ADGRL3: variants seen among roughly 807,000 people sequenced by gnomAD.
The protein encoded by ADGRL3 is adhesion G protein-coupled receptor L3.
In ADGRL3, 62 loss-of-function variants were observed where a neutral mutation model predicts 153.5. The ratio of observed to expected loss-of-function variants is 0.40; its 90% CI spans 0.33 to 0.50. The LOEUF is 0.50. ADGRL3 is among the 20% of genes least tolerant of loss of function. ADGRL3 has a pLI of 0.47. For synonymous variants in ADGRL3, 710 were observed against 672.5 expected (o/e 1.06, Z -0.86); for missense variants, 1,641 against 1,859.4 (o/e 0.88, Z 2.16).
At chr4:61,823,993 C>T (rs574576314) in intron 9 of ADGRL3, among the ~76,000 whole-genome samples, 49 of 152,076 alleles carry the variant, frequency 3.2e-4, no homozygotes, top group African/African-American at 8.9e-4. Flanking sequence ...TCCTGGGAGG[C>T]AGAGGTTGCA....
intron 5 of ADGRL3, among the ~76,000 whole-genome samples, chr4:61,591,525 G>A (rs1431998605): frequency 6.6e-6 from 1 of 151,994 alleles, no homozygotes; most frequent in Non-Finnish European, 1.5e-5. Flanking sequence ...TTTTCAGTGG[G>A]TACAATATAG....
intron 5 of ADGRL3, among the ~76,000 whole-genome samples, chr4:61,601,404 C>T (rs1366631142): frequency 2.0e-5 from 3 of 152,082 alleles, no homozygotes; most frequent in African/African-American, 4.8e-5. Context: ...ATGTCATTTC[C>T]TAATCAATTT....
intron 6 of ADGRL3, among the ~76,000 whole-genome samples, chr4:61,699,732 A>G (rs186189834): frequency 6.6e-6 from 1 of 152,342 alleles, no homozygotes; most frequent in Admixed American, 6.5e-5. Flanking sequence ...AATTAATTCT[A>G]GAAATCCTAT....
chr4:61,898,753 A>C (rs926506391), intron 11 of ADGRL3, among the ~76,000 whole-genome samples: 1 of 151,926 alleles, frequency 6.6e-6, no homozygotes, highest in Non-Finnish European at 1.5e-5. Context: ...TGAAGCTGGG[A>C]CTACAGGCAC....
At chr4:61,232,216 A>G (rs901410038) in intron 1 of ADGRL3, among the ~76,000 whole-genome samples, 1 of 152,150 alleles carries the variant, frequency 6.6e-6, no homozygotes, top group East Asian at 1.9e-4. Context: ...ATTTAAGCCA[A>G]CTATCCAAGT....
At chr4:61,700,996 G>A (rs774513724) in intron 6 of ADGRL3, among the ~76,000 whole-genome samples, 11 of 152,242 alleles carry the variant, frequency 7.2e-5, no homozygotes, top group Non-Finnish European at 1.6e-4. Flanking sequence ...CTTCAGAGTC[G>A]TTACACAGAG....
intron 4 of ADGRL3, among the ~76,000 whole-genome samples, chr4:61,537,329 T>C (rs973930484): frequency 6.6e-6 from 1 of 152,148 alleles, no homozygotes; most frequent in Non-Finnish European, 1.5e-5. Flanking sequence ...TTCTTCAGCA[T>C]TGATTTTGGT....
chr4:62,025,958 A>G (rs1718315228), intron 21 of ADGRL3, among the ~76,000 whole-genome samples: 1 of 152,180 alleles, frequency 6.6e-6, no homozygotes, highest in East Asian at 1.9e-4. Context: ...TGGCAACATT[A>G]CCATCAATTT....
At chr4:61,291,218 G>GCA (rs765771949) in intron 1 of ADGRL3, among the ~76,000 whole-genome samples, 25 of 134,084 alleles carry the variant, frequency 1.9e-4, no homozygotes, top group South Asian at 7.6e-4. Flanking sequence ...ACACACACAC[G>GCA]CACACACACA....
intron 2 of ADGRL3, among the ~76,000 whole-genome samples, chr4:61,410,182 A>G (rs1166962028): frequency 1.3e-5 from 2 of 152,064 alleles, no homozygotes; most frequent in African/African-American, 4.8e-5. Flanking sequence ...CTATTTGTAA[A>G]TTTATATTCA....
In ADGRL3 at chr4:61,892,834, A is replaced by G; in HGVS notation, c.1659A>G (p.Pro553=). The change falls in exon 10 of 27, where the codon CCA becomes CCG. Residue 553 remains proline (P), a synonymous_variant. Transcript: ENST00000683033. ...EVLDDMTTHL[P]SASSQIPALE... is the part of the protein sequence containing the mutation. ...TTGATGACATGACCACACACCTTCC[A>G]TCAGCATCGTCCCAAATCCCAGCTC... 4 of 1,613,750 alleles carry G rather than the reference A, an allele frequency of 2.5e-6. No homozygotes were observed. The highest frequency in any genetic ancestry group is 3.4e-6 in the Non-Finnish European group (4 of 1,179,790).
chr4:61,228,931 A>G (rs145504510), intron 1 of ADGRL3, among the ~76,000 whole-genome samples: 210 of 152,264 alleles, frequency 1.4e-3, no homozygotes, highest in Admixed American at 2.2e-3. Flanking sequence ...ACCTCAAGCA[A>G]TCTATCCGCC....
intron 6 of ADGRL3, among the ~76,000 whole-genome samples, chr4:61,695,871 G>C (rs73825926): frequency 0.025 from 3,878 of 152,196 alleles, 101 homozygotes; most frequent in East Asian, 0.07. Context: ...GCTTCATTTT[G>C]TACTTTTATG....
intron 5 of ADGRL3, among the ~76,000 whole-genome samples, chr4:61,605,264 C>T (rs989234814): frequency 6.6e-6 from 1 of 152,090 alleles, no homozygotes; most frequent in African/African-American, 2.4e-5. Flanking sequence ...AAATTCGTCT[C>T]ATTATAACTT....
chr4:61,825,187 T>A (rs573146444), intron 9 of ADGRL3, among the ~76,000 whole-genome samples: 1 of 152,288 alleles, frequency 6.6e-6, no homozygotes, highest in African/African-American at 2.4e-5. Flanking sequence ...CAAATGTAAG[T>A]ACATAGCATG....
intron 2 of ADGRL3, among the ~76,000 whole-genome samples, chr4:61,457,889 G>GATAC (rs1445690530): frequency 3.3e-5 from 5 of 151,708 alleles, no homozygotes; most frequent in African/African-American, 1.2e-4. Flanking sequence ...TAGATAGATA[G>GATAC]ATAGATAGAT....
chr4:61,488,946 C>T (rs902175605), intron 2 of ADGRL3, among the ~76,000 whole-genome samples: 2 of 151,898 alleles, frequency 1.3e-5, no homozygotes, highest in African/African-American at 4.8e-5. Flanking sequence ...TTCTAGTTGA[C>T]CACTCACAAT....
intron 1 of ADGRL3, among the ~76,000 whole-genome samples, chr4:61,315,160 C>G (rs1392723141): frequency 6.6e-6 from 1 of 152,008 alleles, no homozygotes; most frequent in Non-Finnish European, 1.5e-5. Flanking sequence ...GAAGAGTCTT[C>G]AAAGCAAAAT....
chr4:61,493,389 T>C (rs770590879), intron 2 of ADGRL3, among the ~76,000 whole-genome samples: 8 of 152,202 alleles, frequency 5.3e-5, no homozygotes, highest in Non-Finnish European at 8.8e-5. Context: ...CTCTATGTCC[T>C]GCTGCAATAC....
Sources: gnomAD v4.1 joint callset for allele counts (sites outside exome capture counted in the v4.1 genomes callset) on GRCh38, gnomAD v4.1.1 for gene constraint, MANE v1.5 for transcripts, NCBI Gene and HGNC (gene_info 2026-07-23, HGNC 2026-07-21) for gene names.